The following TTN variants were observed in gnomAD, a reference collection of about 807,000 sequenced individuals.
The protein encoded by TTN is titin, also known as connectin.
A neutral mutation model predicts 3,223.0 loss-of-function variants in TTN; 1,525 were observed. The ratio of observed to expected loss-of-function variants is 0.47; its 90% CI spans 0.45 to 0.49. The LOEUF (loss-of-function observed/expected upper bound fraction) is 0.49, where lower values mean the gene tolerates loss of function less well. TTN is among the 20% of genes least tolerant of loss of function. The pLI is 0.00. For missense variants in TTN, 40,786 were observed against 43,424.0 expected, an observed-to-expected ratio of 0.94 and a Z score of 5.40; for synonymous variants, 14,094 against 15,161.0, an observed-to-expected ratio of 0.93 and a Z score of 5.17.
rs1689064807 is a variant in TTN, at chr2:178,531,421, G to A, written c.105194C>T (p.Ser35065Leu). ...CATCTCAGATGTTTTCTTAAATGAT[G>A]AAACAGCATACGCCTCTGTTCTTGT... is the stretch of plus-strand genomic sequence containing the variant. ...ELTRTEAYAV[S>L]SFKKTSEMEA... The change falls in exon 358 of 363, where the codon TCA becomes TTA. Residue 35065 changes from serine to leucine, a missense_variant. By Grantham distance (145) the Ser-to-Leu change is moderately radical. Coordinates refer to ENST00000589042, the MANE Select transcript of TTN (RefSeq NM_001267550.2). 6.2e-7 allele frequency: 1 copy of A among 1,613,866 alleles called. No individual in the cohort carries two copies. Among genetic ancestry groups the A allele is most frequent in the Admixed American group, 1.7e-5 (1 of 59,996 alleles).
In TTN at chr2:178,804,131, C is replaced by A. The variant is rs2094199496; in HGVS notation, c.91+421G>T. Among the ~76,000 whole-genome samples the A allele has an allele frequency of 2.0e-5, 3 of 152,162 alleles. No homozygotes were observed. The South Asian group carries it at 6.2e-4, about 32-fold the overall frequency. ...ATGCACTGTTATTTTGCGTGTGAACCAACTGAAGTTCAGGTGTCCAGAGCA... is the reference window on the plus strand; with the variant it reads ...ATGCACTGTTATTTTGCGTGTGAACAAACTGAAGTTCAGGTGTCCAGAGCA... On this transcript the variant is annotated intron_variant, in intron 2 of 362. Transcript: ENST00000589042.
Position 178,615,687 on chromosome 2 carries a change from T to C in TTN, c.48414A>G (p.Gly16138=), listed in dbSNP as rs2057209612. 2 of 1,612,584 alleles carry C rather than the reference T, an allele frequency of 1.2e-6. No homozygotes were observed. Among genetic ancestry groups the C allele is most frequent in the Non-Finnish European group, 8.5e-7 (1 of 1,178,978 alleles). ...KVCARNKCGP[G]EPAYVDEPVN... ...CAGGTTCATCAACATATGCAGGTTC[T>C]CCAGGGCCACATTTGTTACGAGCAC... is the stretch of plus-strand genomic sequence containing the variant. The change falls in exon 258 of 363, where the codon GGA becomes GGG. Residue 16138 remains glycine (G), a synonymous_variant. Coordinates refer to ENST00000589042, the MANE Select transcript of TTN (RefSeq NM_001267550.2).
intron 288 of TTN, 148 bp from the exon 289 acceptor site, chr2:178,599,998 C>G (rs2052868833): frequency 7.0e-6 from 5 of 715,276 alleles, no homozygotes; most frequent in Non-Finnish European, 1.1e-5. Context: ...GTCTTTAACA[C>G]TATTACGCTA....
chr2:178,689,919 G>A (rs1560410730), intron 121 of TTN, 23 bp from the exon 122 acceptor site: 5 of 1,591,460 alleles, frequency 3.1e-6, no homozygotes, highest in Non-Finnish European at 3.4e-6. Flanking sequence ...GAAACACAAT[G>A]TTAGTTCAGA....
chr2:178,573,357 C>G lies in TTN; in HGVS notation c.72775G>C (p.Val24259Leu). 6.5e-7 allele frequency: 1 copy of G among 1,531,122 alleles called. No homozygotes were observed. The highest frequency in any genetic ancestry group is 8.8e-7 in the Non-Finnish European group (1 of 1,140,040). The allele number at this position is 1,531,122 out of a possible 1,614,324, so 94.8% of individuals were successfully genotyped here. A position where few individuals can be genotyped will look rare whatever the true frequency, so the allele number is the denominator to read the frequency against. ...TGGCCAGCTTTATCACGCCGTTCCA[C>G]AATATAATTGATGATTTCACTTCCA... ...DGGSEIINYI[V>L]ERRDKAGQRW... Residue 24259 changes from valine to leucine, a missense_variant, in exon 326 of 363, where the codon GTG becomes CTG. Transcript: ENST00000589042.
Position 178,612,825 on chromosome 2 carries a change from C to T in TTN, c.49896G>A (p.Gly16632=), listed in dbSNP as rs768711824. 10 of 1,612,426 alleles carry T rather than the reference C, an allele frequency of 6.2e-6. No homozygotes were observed. The South Asian group carries it at 1.1e-4, about 18-fold the overall frequency. The stretch of plus-strand genomic sequence containing the variant: ...CACTGGGTTCACTGGGTTCACTTTC[C>T]CCAGCCTTATTCACAGCTCTAACTC... ...SFRVRAVNKA[G]ESEPSEPSDP... is the part of the protein sequence containing the mutation. Residue 16632 remains glycine, a synonymous_variant, in exon 265 of 363, where the codon GGG becomes GGA. Transcript: ENST00000589042.
chr2:178,752,064 A>T, intron 47 of TTN: 1 of 1,554,022 alleles, frequency 6.4e-7, no homozygotes, highest in South Asian at 1.2e-5. Flanking sequence ...AAAAACCTTT[A>T]CTATTTTCCA....
chr2:178,756,786 C>G lies in TTN; in HGVS notation c.10690G>C (p.Asp3564His), dbSNP rs371708823. Residue 3564 changes from aspartate to histidine, a missense_variant, in exon 46 of 363, where the codon GAT becomes CAT. Transcript: ENST00000589042. ...LTVTPKVQAL[D>H]RQSSGKDVRE... ...ACATCTTTCCCAGAACTTTGCCTAT[C>G]TAGGGCTTGCACTGTATAATCAAGT... 2.2e-5 allele frequency: 36 copies of G among 1,613,458 alleles called. No individual in the cohort carries two copies. Among genetic ancestry groups the G allele is most frequent in the East Asian group, 6.7e-5 (3 of 44,848 alleles).
chr2:178,678,942 C>G (rs545530852), intron 142 of TTN, 112 bp from the exon 143 acceptor site: 3 of 849,260 alleles, frequency 3.5e-6, no homozygotes, highest in South Asian at 3.7e-5. Flanking sequence ...ATCAATTTCA[C>G]TTTAAGACTG....
At position 178,607,176 on chromosome 2, in the gene TTN, T is replaced by C; in HGVS notation, c.53426A>G (p.His17809Arg). 2 of 1,613,066 alleles carry C rather than the reference T, an allele frequency of 1.2e-6. No homozygotes were observed. Among genetic ancestry groups the C allele is most frequent in the Non-Finnish European group, 1.7e-6 (2 of 1,179,298 alleles). Reference protein sequence around the residue: ...FIIERKDAKMHTWRQPIETER... With the variant: ...FIIERKDAKMRTWRQPIETER... The stretch of plus-strand genomic sequence containing the variant: ...AGTCTCTATTGGTTGTCTCCAAGTA[T>C]GCATCTTGGCATCTTTTCTTTCAAT... The change falls in exon 278 of 363, where the codon CAT becomes CGT. Residue 17809 changes from histidine to arginine, a missense_variant. His to Arg is a conservative substitution (Grantham distance 29). Transcript: ENST00000589042.
In TTN at chr2:178,732,875, G is replaced by A; in HGVS notation, c.16301C>T (p.Ser5434Phe). 1 of 1,613,410 alleles carries A rather than the reference G, an allele frequency of 6.2e-7. No homozygotes were observed. Among genetic ancestry groups the A allele is most frequent in the Non-Finnish European group, 8.5e-7 (1 of 1,179,610 alleles). ...TCCACTGCTGTCTTTGCTTCCCACGGAATTTGTGGCTCGACAAGTGAAATT... is the reference window on the plus strand; with the variant it reads ...TCCACTGCTGTCTTTGCTTCCCACGAAATTTGTGGCTCGACAAGTGAAATT... Reference protein sequence around the residue: ...AGNFTCRATNSVGSKDSSGAL... With the variant: ...AGNFTCRATNFVGSKDSSGAL... Residue 5434 changes from serine (S) to phenylalanine (F), a missense_variant, in exon 55 of 363, where the codon TCC becomes TTC. By Grantham distance (155) the Ser-to-Phe change is radical. Transcript: ENST00000589042.
At chr2:178,717,454 C>T in intron 87 of TTN, 69 bp downstream of exon 87, 1 of 1,561,006 alleles carries the variant, frequency 6.4e-7, no homozygotes, top group African/African-American at 1.4e-5. Flanking sequence ...AACTAAATGG[C>T]ACCAGCCTTT....
chr2:178,583,204 C>T lies in TTN; in HGVS notation c.65599G>A (p.Val21867Met), dbSNP rs769884849. ...ENVPPRIDLS[V>M]AMKSLLTVKA... ...ACAGTAAGCAAAGATTTCATAGCCACACTCAGGTCTATCCTGGGAGGGACT... is the reference window on the plus strand; with the variant it reads ...ACAGTAAGCAAAGATTTCATAGCCATACTCAGGTCTATCCTGGGAGGGACT... Residue 21867 changes from valine to methionine, a missense_variant, in exon 313 of 363, where the codon GTG becomes ATG. Transcript: ENST00000589042. 12 of 1,606,852 alleles carry T rather than the reference C, an allele frequency of 7.5e-6. No individual in the cohort carries two copies. The East Asian group carries it at 2.0e-4, about 27-fold the overall frequency.
Position 178,575,300 on chromosome 2 carries a change from G to A in TTN, c.70832C>T (p.Ala23611Val), listed in dbSNP as rs72646891. The A allele has an allele frequency of 5.8e-4, 934 of 1,613,366 alleles. 5 individuals are homozygous for A. In the African/African-American group the frequency reaches 0.01, roughly 18 times the overall value. ...YTFQVMAVNSAGRSAPRESRP... is the reference protein window; with the variant it reads ...YTFQVMAVNSVGRSAPRESRP... ...GCTTTCTCTAGGGGCACTTCTCCCC[G>A]CGCTGTTCACTGCCATCACTTGGAA... Residue 23611 changes from alanine (A) to valine (V), a missense_variant, in exon 326 of 363, where the codon GCG (alanine) becomes GTG (valine). Transcript: ENST00000589042. The surrounding 1 kb of genome is among the most constrained non-coding windows in gnomAD (Gnocchi z 4.0).
At chr2:178,708,214 C>T (rs762364022) in intron 99 of TTN, among the ~76,000 whole-genome samples, 37 of 152,136 alleles carry the variant, frequency 2.4e-4, no homozygotes, top group Admixed American at 7.9e-4. Context: ...TTATCTCCAG[C>T]GGCAATGATT....
Position 178,653,496 on chromosome 2 carries a change from G to C in TTN, c.38638C>G (p.Pro12880Ala). ...TTCTTTTCTGGCACAATTTCTTGTG[G>C]GACTTCAGGCACTTGAAAGATATTA... ...EAPPATVPEV[P>A]QEIVPEKKTL... The change falls in exon 197 of 363, where the codon CCA (proline) becomes GCA (alanine). Residue 12880 changes from proline to alanine, a missense_variant. Pro to Ala is a conservative substitution (Grantham distance 27). Coordinates refer to ENST00000589042, the MANE Select transcript of TTN (RefSeq NM_001267550.2). 1 of 1,528,238 alleles carries C rather than the reference G, an allele frequency of 6.5e-7. No homozygotes were observed. The highest frequency in any genetic ancestry group is 1.2e-5 in the South Asian group (1 of 83,306). 94.7% of individuals were successfully genotyped at this position (1,528,238 alleles called of 1,614,324 possible).
rs1039448666 is a variant in TTN at position 178,647,439 on chromosome 2, G to A, written c.40083C>T (p.Ile13361=). ...TAGGCACAGACACTTCCTTTTCTGG[G>A]ATGATTTTCTCAGGCACTTTGGGCA... ...EKVPKVPEKI[I]PEKEVSVPIP... is the part of the protein sequence containing the mutation. The change falls in exon 214 of 363, where the codon ATC becomes ATT. Residue 13361 remains isoleucine (I), a synonymous_variant. Transcript: ENST00000589042. The A allele has an allele frequency of 6.5e-7, 1 of 1,549,522 alleles. No homozygotes were observed. Among genetic ancestry groups the A allele is most frequent in the African/African-American group, 1.4e-5 (1 of 72,962 alleles).
Position 178,568,778 on chromosome 2 carries a change from A to C in TTN, c.77354T>G (p.Leu25785Arg). 3.1e-6 allele frequency: 5 copies of C among 1,612,944 alleles called. No individual in the cohort carries two copies. Among genetic ancestry groups the C allele is most frequent in the South Asian group, 1.1e-5 (1 of 90,986 alleles). The change falls in exon 326 of 363, where the codon CTT becomes CGT. Residue 25785 changes from leucine (L) to arginine (R), a missense_variant. Physicochemically the swap from Leu to Arg is moderately radical, Grantham distance 102. Transcript: ENST00000589042. ...NEKGRSDPRS[L>R]AVPIVAKDLV... ...ATCTTTGGCAACTATTGGAACTGCA[A>C]GGGACCGAGGATCACTTCTCCCCTT... is the stretch of plus-strand genomic sequence containing the variant.
rs759740681 is a variant in TTN at position 178,533,439 on chromosome 2, T to C, written c.103176A>G (p.Pro34392=). ...FEIRVSGIPP[P]TLKWEKDGQP... ...GACCATCTTTCTCCCATTTTAATGTTGGTGGGGGGATGCCAGACACTCTGA... is the reference window on the plus strand; with the variant it reads ...GACCATCTTTCTCCCATTTTAATGTCGGTGGGGGGATGCCAGACACTCTGA... Residue 34392 remains proline (P), a synonymous_variant, in exon 358 of 363, where the codon CCA becomes CCG. Transcript: ENST00000589042. The C allele has an allele frequency of 6.2e-7, 1 of 1,613,858 alleles. No homozygotes were observed. Among genetic ancestry groups the C allele is most frequent in the South Asian group, 1.1e-5 (1 of 91,078 alleles).
Sources: gnomAD v4.1 joint callset for allele counts (sites outside exome capture counted in the v4.1 genomes callset) on GRCh38, gnomAD v4.1.1 for gene constraint, Gnocchi (gnomAD v3.1) non-coding constraint, MANE v1.5 for transcripts, NCBI Gene and HGNC (gene_info 2026-07-23, HGNC 2026-07-21) for gene names.